PRICKLE1: variants seen among roughly 807,000 people sequenced by gnomAD.
PRICKLE1 encodes the protein prickle-like protein 1.
Under a neutral mutation model 70.2 loss-of-function variants are expected in PRICKLE1, and 14 were observed. That is an observed-to-expected ratio of 0.20 (90% CI 0.13 to 0.31). The LOEUF (loss-of-function observed/expected upper bound fraction) is 0.31, where lower values mean the gene tolerates loss of function less well. Ranked by LOEUF, PRICKLE1 falls within the 10% of genes least tolerant of loss-of-function variation. The pLI, the probability that PRICKLE1 is intolerant of heterozygous loss-of-function variation, is 1.00. For missense variants in PRICKLE1, 821 were observed against 1,026.2 expected (o/e 0.80, Z 2.73); for synonymous variants, 357 against 379.9 (o/e 0.94, Z 0.70).
chr12:42,505,602 A>C (rs1939394335), intron 1 of PRICKLE1, among the ~76,000 whole-genome samples: 1 of 151,964 alleles, frequency 6.6e-6, no homozygotes, highest in Non-Finnish European at 1.5e-5. Context: ...TGTCCAGCTA[A>C]TTTTTGTATT....
chr12:42,540,033 T>G (rs1030010882), intron 1 of PRICKLE1, among the ~76,000 whole-genome samples: 2 of 152,252 alleles, frequency 1.3e-5, no homozygotes, highest in African/African-American at 4.8e-5. Flanking sequence ...CCTAGTCAAG[T>G]TAATCAGGGA....
At chr12:42,518,395 G>GT (rs1007829826) in intron 1 of PRICKLE1, among the ~76,000 whole-genome samples, 1 of 152,066 alleles carries the variant, frequency 6.6e-6, no homozygotes, top group South Asian at 2.1e-4. Context: ...AACAAGGATG[G>GT]TTTTTTTATA....
At chr12:42,468,550 G>A (rs1938189835) in intron 5 of PRICKLE1, 76 bp downstream of exon 5, 2 of 1,309,512 alleles carry the variant, frequency 1.5e-6, no homozygotes, top group Non-Finnish European at 2.2e-6. Flanking sequence ...TTAGTATTTT[G>A]CTTGATGTAA....
intron 1 of PRICKLE1, among the ~76,000 whole-genome samples, chr12:42,542,124 G>A (rs539799003): frequency 1.3e-5 from 2 of 152,310 alleles, no homozygotes; most frequent in Non-Finnish European, 2.9e-5. Context: ...AGAGCTAGAA[G>A]CTACTCCCTC....
chr12:42,472,907 G>C (rs1037401), intron 1 of PRICKLE1, among the ~76,000 whole-genome samples: 1 of 152,112 alleles, frequency 6.6e-6, no homozygotes, highest in African/African-American at 2.4e-5. Context: ...ACAAATCCTT[G>C]TGACATACTG....
At chr12:42,557,548 A>G (rs1446181686) in intron 1 of PRICKLE1, among the ~76,000 whole-genome samples, 3 of 152,234 alleles carry the variant, frequency 2.0e-5, no homozygotes, top group Non-Finnish European at 4.4e-5. Flanking sequence ...AGTAACAAAC[A>G]GAACTCCTCT....
intron 1 of PRICKLE1, among the ~76,000 whole-genome samples, chr12:42,580,941 A>C (rs1450641567): frequency 6.6e-6 from 1 of 152,102 alleles, no homozygotes; most frequent in East Asian, 1.9e-4. Flanking sequence ...GCAGAAAGGG[A>C]GAGAGAGAGT....
intron 1 of PRICKLE1, among the ~76,000 whole-genome samples, chr12:42,536,214 G>A (rs1218093767): frequency 2.0e-5 from 3 of 152,224 alleles, no homozygotes; most frequent in Admixed American, 1.3e-4. Context: ...CACTGGAACT[G>A]AGGGACTCCA....
chr12:42,523,928 TC>T (rs1939756702), intron 1 of PRICKLE1, among the ~76,000 whole-genome samples: 1 of 152,208 alleles, frequency 6.6e-6, no homozygotes, highest in South Asian at 2.1e-4. Flanking sequence ...CAGTACACAT[TC>T]CCAGGTAAAT....
At chr12:42,583,148 C>CGTGTGT (rs68143024) in intron 1 of PRICKLE1, among the ~76,000 whole-genome samples, 2 of 148,236 alleles carry the variant, frequency 1.3e-5, no homozygotes, top group Admixed American at 6.7e-5. Context: ...TAGATTGAAA[C>CGTGTGT]GTGTGTGTGT....
rs932674648 is a variant in PRICKLE1 at position 42,465,096 on chromosome 12, T to C, written c.938A>G (p.His313Arg). Residue 313 changes from histidine (H) to arginine (R), a missense_variant, in exon 7 of 8, where the codon CAT becomes CGT. His to Arg is a conservative substitution (Grantham distance 29). Coordinates refer to ENST00000345127, the MANE Select transcript of PRICKLE1 (RefSeq NM_153026.3). ...SKTCSLGEDV[H>R]ASDSSDSAFQ... ...TGCAGAGTCGGAAGAATCAGAGGCA[T>C]GGACGTCTTCACCAAGACTGCACGT... is the stretch of plus-strand genomic sequence containing the variant. 2 of 1,565,370 alleles carry C rather than the reference T, an allele frequency of 1.3e-6. No individual in the cohort carries two copies. The highest frequency in any genetic ancestry group is 1.7e-4 in the Middle Eastern group (1 of 5,802).
rs540250040 is a variant in PRICKLE1 at position 42,544,837 on chromosome 12, C to T, written c.-49+44628G>A. Among the ~76,000 whole-genome samples, 16 of 152,308 alleles carry T rather than the reference C, an allele frequency of 1.1e-4. No homozygotes were observed. The South Asian group carries it at 3.3e-3, about 32-fold the overall frequency. ...CTATTTCTTCTGAGATTTACCTCTA[C>T]ATTTCAAAATAATATGTAGAGACTA... On this transcript the variant is annotated intron_variant, in intron 1 of 7. Coordinates refer to ENST00000345127, the MANE Select transcript of PRICKLE1 (RefSeq NM_153026.3).
chr12:42,539,466 TCA>T (rs1555237829), intron 1 of PRICKLE1, among the ~76,000 whole-genome samples: 2 of 143,406 alleles, frequency 1.4e-5, no homozygotes, highest in Non-Finnish European at 3.0e-5. Flanking sequence ...AGACTCTGTC[TCA>T]AAAAAAAAAA....
At chr12:42,570,445 A>G (rs547857552) in intron 1 of PRICKLE1, among the ~76,000 whole-genome samples, 2 of 152,314 alleles carry the variant, frequency 1.3e-5, no homozygotes, top group South Asian at 4.2e-4. Flanking sequence ...TAGTTTATTC[A>G]TAAGTAAAAA....
At chr12:42,586,032 G>T (rs1238782856) in intron 1 of PRICKLE1, among the ~76,000 whole-genome samples, 1 of 152,106 alleles carries the variant, frequency 6.6e-6, no homozygotes, top group Non-Finnish European at 1.5e-5. Flanking sequence ...CTCTCAACTT[G>T]CTTGCTCACA....
At chr12:42,585,438 G>T (rs1940971348) in intron 1 of PRICKLE1, among the ~76,000 whole-genome samples, 1 of 152,044 alleles carries the variant, frequency 6.6e-6, no homozygotes. Flanking sequence ...CTGAGACACA[G>T]GAAGAATTAT....
chr12:42,581,939 C>T (rs1940908575), intron 1 of PRICKLE1, among the ~76,000 whole-genome samples: 1 of 151,586 alleles, frequency 6.6e-6, no homozygotes, highest in Non-Finnish European at 1.5e-5. Context: ...TTCAGCACTG[C>T]AATGAATAAT....
At chr12:42,562,036 C>A (rs1245766596) in intron 1 of PRICKLE1, among the ~76,000 whole-genome samples, 1 of 151,578 alleles carries the variant, frequency 6.6e-6, no homozygotes, top group Non-Finnish European at 1.5e-5. Context: ...CTCAGCTCCC[C>A]GAGTAGCTGG....
At chr12:42,477,482 G>GTATATATA (rs139988285) in intron 1 of PRICKLE1, among the ~76,000 whole-genome samples, 4 of 116,384 alleles carry the variant, frequency 3.4e-5, no homozygotes, top group African/African-American at 1.3e-4. Flanking sequence ...GTGTGTGTGT[G>GTATATATA]TATATATATA....
Sources: gnomAD v4.1 joint callset for allele counts (sites outside exome capture counted in the v4.1 genomes callset) on GRCh38, gnomAD v4.1.1 for gene constraint, MANE v1.5 for transcripts, NCBI Gene and HGNC (gene_info 2026-07-23, HGNC 2026-07-21) for gene names.